Variants in SOX6 observed in about 807,000 individuals in gnomAD.
SOX6 encodes the protein SRY-box transcription factor 6.
SOX6 carries 11 observed loss-of-function variants against 97.8 expected under a neutral mutation model. The observed-to-expected ratio is 0.11, with a 90% confidence interval of 0.07 to 0.19. The LOEUF is 0.19. SOX6 is among the 10% of genes least tolerant of loss of function. The pLI is 1.00. For missense variants in SOX6, 810 were observed against 1,039.5 expected, an observed-to-expected ratio of 0.78 and a Z score of 3.04; for synonymous variants, 360 against 371.4, an observed-to-expected ratio of 0.97 and a Z score of 0.35.
chr11:16,540,699 C>T (rs1236196512), intron 4 of SOX6, among the ~76,000 whole-genome samples: 1 of 152,178 alleles, frequency 6.6e-6, no homozygotes, highest in Non-Finnish European at 1.5e-5. Flanking sequence ...AGAGCCAAAT[C>T]ATGAGTGAAC....
chr11:16,491,320 T>C (rs1006498188), intron 4 of SOX6, among the ~76,000 whole-genome samples: 1 of 152,170 alleles, frequency 6.6e-6, no homozygotes, highest in Non-Finnish European at 1.5e-5. Context: ...AGACTTGTAA[T>C]GAAAGATATG....
At chr11:16,470,182 T>C (rs770077898) in intron 1 of SOX6, among the ~76,000 whole-genome samples, 1 of 152,152 alleles carries the variant, frequency 6.6e-6, no homozygotes, top group Non-Finnish European at 1.5e-5. Flanking sequence ...AATGCTTTCA[T>C]GGGGCAGCTC....
intron 1 of SOX6, among the ~76,000 whole-genome samples, chr11:16,458,641 T>C (rs1859858638): frequency 6.6e-6 from 1 of 152,008 alleles, no homozygotes; most frequent in Non-Finnish European, 1.5e-5. Context: ...TTTATATATA[T>C]TATGTAACAT....
At chr11:16,105,494 G>A (rs1849056859) in intron 7 of SOX6, among the ~76,000 whole-genome samples, 1 of 152,052 alleles carries the variant, frequency 6.6e-6, no homozygotes, top group Non-Finnish European at 1.5e-5. Context: ...CTTGAAGCCA[G>A]GAGTTCAAGG....
chr11:16,548,795 T>C (rs1007516288), intron 4 of SOX6, among the ~76,000 whole-genome samples: 6 of 152,114 alleles, frequency 3.9e-5, no homozygotes, highest in Non-Finnish European at 8.8e-5. Flanking sequence ...ATATATTATA[T>C]ACTTGAAAAT....
chr11:16,441,856 C>A (rs1406342777), intron 1 of SOX6, among the ~76,000 whole-genome samples: 2 of 152,144 alleles, frequency 1.3e-5, no homozygotes, highest in African/African-American at 4.8e-5. Context: ...ATTTTATCAT[C>A]CTTAATAACT....
intron 3 of SOX6, among the ~76,000 whole-genome samples, chr11:16,623,269 C>T (rs1848571420): frequency 6.6e-6 from 1 of 152,188 alleles, no homozygotes; most frequent in Admixed American, 6.5e-5. Flanking sequence ...GATCCACCCA[C>T]CTCAGCCTCC....
intron 6 of SOX6, among the ~76,000 whole-genome samples, chr11:16,113,513 C>T (rs1849278285): frequency 6.6e-6 from 1 of 152,144 alleles, no homozygotes; most frequent in South Asian, 2.1e-4. Context: ...TGCTGTTGAA[C>T]TCTAGCTTGT....
At chr11:16,731,178 A>G (rs1848346704) in intron 2 of SOX6, among the ~76,000 whole-genome samples, 1 of 151,098 alleles carries the variant, frequency 6.6e-6, no homozygotes, top group Non-Finnish European at 1.5e-5. Context: ...TACAAAGGGG[A>G]GCTGGTACCA....
At chr11:16,520,487 C>T (rs1861041782) in intron 4 of SOX6, among the ~76,000 whole-genome samples, 1 of 152,108 alleles carries the variant, frequency 6.6e-6, no homozygotes, top group African/African-American at 2.4e-5. Flanking sequence ...TAAAGTAAAC[C>T]TTGGGCCGAG....
chr11:16,159,779 A>G (rs909806982), intron 6 of SOX6, among the ~76,000 whole-genome samples: 6 of 152,178 alleles, frequency 3.9e-5, no homozygotes, highest in African/African-American at 1.2e-4. Flanking sequence ...CAGACTTTTG[A>G]TAAGTCTGTT....
intron 9 of SOX6, among the ~76,000 whole-genome samples, chr11:16,090,490 C>T (rs1210624129): frequency 2.6e-5 from 4 of 152,046 alleles, no homozygotes; most frequent in Non-Finnish European, 1.5e-5. Flanking sequence ...TTATATTTGG[C>T]ATCCTTCCCT....
At chr11:16,525,074 T>C (rs1475905581) in intron 4 of SOX6, among the ~76,000 whole-genome samples, 1 of 152,158 alleles carries the variant, frequency 6.6e-6, no homozygotes, top group Non-Finnish European at 1.5e-5. Context: ...ATTTATAGAT[T>C]CAATGCCATC....
At chr11:16,022,705 G>A (rs1259012458) in intron 12 of SOX6, among the ~76,000 whole-genome samples, 9 of 152,082 alleles carry the variant, frequency 5.9e-5, no homozygotes, top group East Asian at 3.9e-4. Flanking sequence ...GAGCCACTGC[G>A]CCCAATCAAT....
chr11:16,398,818 GAA>G (rs56767189), intron 1 of SOX6, among the ~76,000 whole-genome samples: 60 of 147,288 alleles, frequency 4.1e-4, no homozygotes, highest in Middle Eastern at 3.5e-3. Context: ...AAAGGCTATG[GAA>G]AAAAAAAAAC....
rs1855594538 is a variant in SOX6 at position 16,039,238 on chromosome 11, A to G, written c.1623+7276T>C. Among the ~76,000 whole-genome samples, 4 of 152,054 alleles carry G rather than the reference A, an allele frequency of 2.6e-5. 1 individual carries two copies. In the South Asian group the frequency reaches 8.3e-4, roughly 32 times the overall value. On this transcript the variant is annotated intron_variant, in intron 12 of 15. Coordinates refer to ENST00000683767, the MANE Select transcript of SOX6 (RefSeq NM_001367873.1). ...GCACGTATCACTGCAAACCACCCAA[A>G]ATTCTTTTTACATCAAGGCAACGTA...
At chr11:16,125,803 C>G (rs1849593513) in intron 6 of SOX6, among the ~76,000 whole-genome samples, 1 of 107,706 alleles carries the variant, frequency 9.3e-6, no homozygotes, top group African/African-American at 3.5e-5. Context: ...TTCACATGTT[C>G]TTAAAGAAAT....
At chr11:16,018,636 A>G (rs1324651946) in intron 12 of SOX6, among the ~76,000 whole-genome samples, 2 of 152,140 alleles carry the variant, frequency 1.3e-5, no homozygotes, top group African/African-American at 4.8e-5. Flanking sequence ...CTTATTGGCT[A>G]TTCCATAATA....
chr11:16,318,295 C>A, intron 3 of SOX6, 151 bp downstream of exon 3: 1 of 741,782 alleles, frequency 1.3e-6, no homozygotes, highest in Non-Finnish European at 2.3e-6. Flanking sequence ...TCAAAATCTG[C>A]CATCACCATA....
Sources: allele counts gnomAD v4.1 joint callset (sites outside exome capture counted in the v4.1 genomes callset), GRCh38; gene constraint gnomAD v4.1.1; transcripts MANE v1.5; gene names NCBI Gene and HGNC (gene_info 2026-07-23, HGNC 2026-07-21).